Variants in AKNA observed in about 807,000 individuals in gnomAD.
The protein encoded by AKNA is AT-hook transcription factor.
A neutral mutation model predicts 138.8 loss-of-function variants in AKNA; 67 were observed. The observed-to-expected ratio is 0.48, with a 90% CI of 0.40 to 0.59. The LOEUF (loss-of-function observed/expected upper bound fraction) is 0.59. Among genes scored for constraint, AKNA ranks in the 20% least tolerant of loss-of-function variants. AKNA has a pLI of 0.00. For synonymous variants in AKNA, 737 were observed against 754.4 expected (o/e 0.98, Z 0.38); for missense variants, 1,813 against 1,880.4 (o/e 0.96, Z 0.66).
chr9:114,354,373 C>T (rs1831337507), intron 14 of AKNA, among the ~76,000 whole-genome samples: 1 of 152,258 alleles, frequency 6.6e-6, no homozygotes, highest in African/African-American at 2.4e-5. Context: ...ATAACAACAC[C>T]TTCTTCTGGA....
At chr9:114,332,230 C>T (rs1185091398), downstream of AKNA, among the ~76,000 whole-genome samples, 2 of 151,960 alleles carry the variant, frequency 1.3e-5, no homozygotes. Context: ...CGGGGAGTTA[C>T]CACCTACAGA....
chr9:114,376,539 G>GCAGGAGGCGTGTC lies in AKNA; in HGVS notation c.1255_1267dup (p.Ala423GlyfsTer19). ...TTGGGGTACCCTGGTGATAGGGTGGGCAGGAGGCGTGTCCTTTGCCAGGGC... is the reference window on the plus strand; with the variant it reads ...TTGGGGTACCCTGGTGATAGGGTGGGCAGGAGGCGTGTCCAGGAGGCGTGTCCTTTGCCAGGGC... On this transcript the variant is annotated frameshift_variant, in exon 3 of 22. Coordinates refer to ENST00000374088, the MANE Select transcript of AKNA (RefSeq NM_001317950.2). LOFTEE classifies it high-confidence loss of function. 1 of 1,614,108 alleles carries GCAGGAGGCGTGTC rather than the reference G, an allele frequency of 6.2e-7. No homozygotes were observed. The highest frequency in any genetic ancestry group is 1.1e-5 in the South Asian group (1 of 91,084).
In AKNA at chr9:114,342,047, G is replaced by T; in HGVS notation, c.3836C>A (p.Ser1279Tyr). ...GCCTGGACCATCTGCCTCTGGGGGA[G>T]ACCCAACTTGACCACACAGGGGACA... ...LQCPLCGQVG[S>Y]PPEADGPGSA... The change falls in exon 20 of 22, where the codon TCT becomes TAT. Residue 1279 changes from serine (S) to tyrosine (Y), a missense_variant. Ser to Tyr is a moderately radical substitution (Grantham distance 144). Coordinates refer to ENST00000374088, the MANE Select transcript of AKNA (RefSeq NM_001317950.2). 2 of 1,614,032 alleles carry T rather than the reference G, an allele frequency of 1.2e-6. No individual in the cohort carries two copies. Among genetic ancestry groups the T allele is most frequent in the Non-Finnish European group, 1.7e-6 (2 of 1,179,950 alleles).
rs143034803 is a variant in AKNA, at chr9:114,349,767, C to T, written c.3221+1092G>A. On this transcript the variant is annotated intron_variant, in intron 15 of 21. Coordinates refer to ENST00000374088, the MANE Select transcript of AKNA (RefSeq NM_001317950.2). ...CCCTCTCTTCCTTTACTGCTCAACA[C>T]TCCACCCCCTCACACTAGAGGATCT... Among the ~76,000 whole-genome samples the T allele has an allele frequency of 8.1e-3, 1,232 of 152,302 alleles. 15 individuals carry two copies. Among genetic ancestry groups the T allele is most frequent in the African/African-American group, 0.028 (1,167 of 41,564 alleles).
downstream of AKNA, chr9:114,332,980 G>A (rs1180968464): frequency 3.2e-6 from 5 of 1,578,894 alleles, no homozygotes; most frequent in Non-Finnish European, 4.3e-6. Context: ...CCACAGGCCA[G>A]AGCTCATTCT....
chr9:114,357,821 CAAG>C (rs1831610702), intron 12 of AKNA, 97 bp downstream of exon 12: 1 of 1,544,264 alleles, frequency 6.5e-7, no homozygotes, highest in African/African-American at 1.4e-5. Context: ...GCAAGTATTC[CAAG>C]AAGGAATAGC....
chr9:114,385,505 T>C (rs1448083752), intron 1 of AKNA, among the ~76,000 whole-genome samples: 1 of 152,202 alleles, frequency 6.6e-6, no homozygotes, highest in Non-Finnish European at 1.5e-5. Context: ...TGTGCGGTTT[T>C]TTGACTTTTT....
chr9:114,367,174 G>A (rs1283842762), intron 6 of AKNA, among the ~76,000 whole-genome samples: 1 of 152,188 alleles, frequency 6.6e-6, no homozygotes, highest in African/African-American at 2.4e-5. Flanking sequence ...CTAAGAAAGT[G>A]AGGCAACTTA....
At chr9:114,363,778 G>A (rs1440780594) in intron 7 of AKNA, among the ~76,000 whole-genome samples, 4 of 152,158 alleles carry the variant, frequency 2.6e-5, no homozygotes, top group Admixed American at 2.0e-4. Flanking sequence ...CACAGCTCCC[G>A]GCTAATGCTA....
At chr9:114,370,237 A>C (rs545307724) in intron 4 of AKNA, among the ~76,000 whole-genome samples, 2 of 152,146 alleles carry the variant, frequency 1.3e-5, no homozygotes, top group Non-Finnish European at 2.9e-5. Flanking sequence ...AGATGAGAAC[A>C]AAGCTGGATT....
downstream of AKNA, chr9:114,331,616 G>A: frequency 1.2e-6 from 2 of 1,614,062 alleles, no homozygotes; most frequent in Middle Eastern, 1.6e-4. Context: ...GGGACACCAA[G>A]ACCTTGATGT....
chr9:114,369,071 T>C (rs955002463), intron 4 of AKNA, among the ~76,000 whole-genome samples: 3 of 152,256 alleles, frequency 2.0e-5, no homozygotes, highest in African/African-American at 7.2e-5. Flanking sequence ...CTGATAATAA[T>C]AGCAACTAAT....
chr9:114,375,668 G>T (rs1030712374), intron 3 of AKNA, among the ~76,000 whole-genome samples: 2 of 152,124 alleles, frequency 1.3e-5, no homozygotes, highest in South Asian at 2.1e-4. Flanking sequence ...ATAATCTAGT[G>T]GGGGTGAATA....
chr9:114,346,923 G>A (rs1385167124), intron 16 of AKNA, 139 bp from the exon 17 acceptor site: 4 of 676,122 alleles, frequency 5.9e-6, no homozygotes, highest in Non-Finnish European at 9.6e-6. Flanking sequence ...GCCAGACTCT[G>A]AAGTCAGTTT....
chr9:114,373,260 C>A (rs1243080969), intron 4 of AKNA, among the ~76,000 whole-genome samples: 2 of 152,160 alleles, frequency 1.3e-5, no homozygotes, highest in Non-Finnish European at 2.9e-5. Flanking sequence ...GAGGAAGGTG[C>A]AGAATTCACA....
chr9:114,375,670 G>A (rs1284309856), intron 3 of AKNA, among the ~76,000 whole-genome samples: 2 of 152,094 alleles, frequency 1.3e-5, no homozygotes, highest in East Asian at 1.9e-4. Flanking sequence ...AATCTAGTGG[G>A]GGTGAATAGG....
upstream of AKNA, among the ~76,000 whole-genome samples, chr9:114,389,548 A>G (rs1834256150): frequency 1.3e-5 from 2 of 152,084 alleles, no homozygotes; most frequent in African/African-American, 4.8e-5. Flanking sequence ...AAACAGGGAT[A>G]AGAAGAGTAG....
intron 7 of AKNA, among the ~76,000 whole-genome samples, chr9:114,364,174 G>C (rs907808048): frequency 6.6e-6 from 1 of 151,888 alleles, no homozygotes; most frequent in Non-Finnish European, 1.5e-5. Context: ...CCCTGGATTT[G>C]AAAGAGAGAC....
intron 2 of AKNA, among the ~76,000 whole-genome samples, chr9:114,379,886 C>T (rs1458511466): frequency 2.0e-5 from 3 of 152,198 alleles, no homozygotes; most frequent in African/African-American, 7.2e-5. Context: ...CATGACGGCT[C>T]GCATCTGTAA....
Sources: allele counts gnomAD v4.1 joint callset (sites outside exome capture counted in the v4.1 genomes callset), GRCh38; gene constraint gnomAD v4.1.1; transcripts MANE v1.5; gene names NCBI Gene and HGNC (gene_info 2026-07-23, HGNC 2026-07-21).